The following TENM3 variants were observed in gnomAD, a reference collection of about 807,000 sequenced individuals.
TENM3 encodes the protein teneurin transmembrane protein 3, also known as teneurin-3.
TENM3 carries 63 observed loss-of-function variants against 255.1 expected under a neutral mutation model. The ratio of observed to expected loss-of-function variants is 0.25; its 90% CI spans 0.20 to 0.30. TENM3 has a LOEUF of 0.30. TENM3 is among the 10% of genes least tolerant of loss of function. The probability of loss-of-function intolerance (pLI) is 1.00; values close to 1 mark genes in which losing one functional copy is unlikely to be tolerated. For missense variants in TENM3, 2,929 were observed against 3,461.1 expected (o/e 0.85, Z 3.86); for synonymous variants, 1,306 against 1,322.3 (o/e 0.99, Z 0.27).
Position 182,696,549 on chromosome 4 carries a change from T to A in TENM3, c.2221+8198T>A, listed in dbSNP as rs188812009. On this transcript the variant is annotated intron_variant, in intron 12 of 27. Coordinates refer to ENST00000511685, the MANE Select transcript of TENM3 (RefSeq NM_001080477.4). Reference sequence around the variant, plus strand: ...GGACCATCCTGACCAACATGGTGAATCCCCATCTCTACTAAAAATACAAAA... The same window carrying A: ...GGACCATCCTGACCAACATGGTGAAACCCCATCTCTACTAAAAATACAAAA... Among the ~76,000 whole-genome samples, 1,060 of 151,938 alleles carry A rather than the reference T, an allele frequency of 7.0e-3. 14 individuals are homozygous for A. The highest frequency in any genetic ancestry group is 0.024 in the African/African-American group (977 of 41,468).
At position 182,773,766 on chromosome 4, in the gene TENM3, T is replaced by G. The variant is rs550028465; in HGVS notation, c.5068+119T>G. 2.7e-5 allele frequency: 23 copies of G among 837,668 alleles called. No homozygotes were observed. The African/African-American group carries it at 3.9e-4, about 14-fold the overall frequency. The allele number at this position is 837,668 out of a possible 1,614,324, so 51.9% of individuals were successfully genotyped here. ...GTGAAAATGTAAACCTCTAGAAATA[T>G]TGGTGACATAATCTACAGTGTACAT... On this transcript the variant is annotated intron_variant, in intron 23 of 27. Transcript: ENST00000511685.
At chr4:181,755,359 T>A in the TENM3 span, among the ~76,000 whole-genome samples, 1 of 152,180 alleles carries the variant, frequency 6.6e-6, no homozygotes, top group South Asian at 2.1e-4. Context: ...GTACTCACTT[T>A]TTTTTTACTT....
At chr4:182,046,524 C>A in the TENM3 span, among the ~76,000 whole-genome samples, 1 of 149,704 alleles carries the variant, frequency 6.7e-6, no homozygotes, top group African/African-American at 2.5e-5. Context: ...GGCAATATAG[C>A]AAGACCCCAG....
intron 1 of TENM3, among the ~76,000 whole-genome samples, chr4:182,310,072 G>C (rs1383661723): frequency 6.6e-6 from 1 of 152,176 alleles, no homozygotes; most frequent in African/African-American, 2.4e-5. Context: ...TTTGTAAATA[G>C]TGGAGCTAGA....
chr4:182,358,198 C>T (rs1262403974), intron 3 of TENM3, among the ~76,000 whole-genome samples: 6 of 148,538 alleles, frequency 4.0e-5, no homozygotes, highest in Admixed American at 2.7e-4. Context: ...CTTGGCGATG[C>T]GGGCTCTTTT....
At position 182,792,619 on chromosome 4, in the gene TENM3, C is replaced by G. The variant is rs1365819326; in HGVS notation, c.5947C>G (p.Gln1983Glu). 6.2e-7 allele frequency: 1 copy of G among 1,613,832 alleles called. No homozygotes were observed. The highest frequency in any genetic ancestry group is 8.5e-7 in the Non-Finnish European group (1 of 1,179,898). The part of the protein sequence containing the change: ...TAGVLKTVNL[Q>E]SDGFICTIRY... ...AGGAGTCCTAAAGACAGTAAACCTC[C>G]AGAGTGATGGTTTTATTTGCACCAT... Residue 1983 changes from glutamine (Q) to glutamate (E), a missense_variant, in exon 26 of 28, where the codon CAG becomes GAG. By Grantham distance (29) the Gln-to-Glu change is conservative. Coordinates refer to ENST00000511685, the MANE Select transcript of TENM3 (RefSeq NM_001080477.4). The surrounding 1 kb of genome is among the most constrained non-coding windows in gnomAD (Gnocchi z 6.3).
At chr4:182,636,341 A>G (rs1224527535) in intron 5 of TENM3, among the ~76,000 whole-genome samples, 2 of 152,238 alleles carry the variant, frequency 1.3e-5, no homozygotes, top group Non-Finnish European at 2.9e-5. Flanking sequence ...TCAGAATAAA[A>G]GAATTTACCA....
chr4:182,263,591 T>C (rs562463925), intron 1 of TENM3, among the ~76,000 whole-genome samples: 1 of 132,322 alleles, frequency 7.6e-6, no homozygotes, highest in Non-Finnish European at 1.5e-5. Context: ...ACATGGGCAA[T>C]TCCCCCCCCT....
At chr4:182,661,461 G>C (rs1009441767) in intron 6 of TENM3, among the ~76,000 whole-genome samples, 1 of 152,170 alleles carries the variant, frequency 6.6e-6, no homozygotes, top group Admixed American at 6.5e-5. Context: ...TGACAGGGCT[G>C]CAAGAGCACT....
the TENM3 span, among the ~76,000 whole-genome samples, chr4:182,078,327 T>A: frequency 1.3e-5 from 2 of 151,874 alleles, no homozygotes; most frequent in Non-Finnish European, 2.9e-5. Flanking sequence ...ATCAAGACCA[T>A]CTTGGCCAAC....
intron 2 of TENM3, among the ~76,000 whole-genome samples, chr4:182,340,474 G>A (rs972977446): frequency 6.6e-6 from 1 of 152,132 alleles, no homozygotes; most frequent in South Asian, 2.1e-4. Context: ...GGACCTTAAG[G>A]TATTTAGTGG....
chr4:182,144,794 A>G (rs1371248546), intron 1 of TENM3: 2 of 149,344 alleles, frequency 1.3e-5, no homozygotes, highest in Non-Finnish European at 3.0e-5. Flanking sequence ...TCCTTCCTTT[A>G]TGGGGTCCTA....
At chr4:182,264,453 C>T (rs1759098135) in intron 1 of TENM3, among the ~76,000 whole-genome samples, 1 of 152,210 alleles carries the variant, frequency 6.6e-6, no homozygotes, top group Admixed American at 6.5e-5. Context: ...TTTGAGGGTT[C>T]ATGTCATAGT....
chr4:182,563,149 T>C (rs1743388096), intron 3 of TENM3, among the ~76,000 whole-genome samples: 1 of 152,116 alleles, frequency 6.6e-6, no homozygotes, highest in Non-Finnish European at 1.5e-5. Context: ...GCATGGTGGC[T>C]CACACCCGTA....
the TENM3 span, among the ~76,000 whole-genome samples, chr4:181,861,570 CTTTTTCTTTCT>C: frequency 6.6e-6 from 1 of 151,956 alleles, no homozygotes; most frequent in South Asian, 2.1e-4. Flanking sequence ...TCTGGTTTTC[CTTTTTCTTTCT>C]TTTTTCTTTC....
At chr4:182,052,164 T>A in the TENM3 span, among the ~76,000 whole-genome samples, 2 of 152,092 alleles carry the variant, frequency 1.3e-5, no homozygotes. Flanking sequence ...ATATTAATAT[T>A]TCTACTTAAG....
intron 3 of TENM3, among the ~76,000 whole-genome samples, chr4:182,560,569 A>G (rs747672527): frequency 4.6e-5 from 7 of 152,112 alleles, no homozygotes; most frequent in Non-Finnish European, 4.4e-5. Flanking sequence ...TTTCTTTCCT[A>G]CCAGTTAATG....
chr4:181,522,760 G>A, the TENM3 span: 40 of 734,854 alleles, frequency 5.4e-5, no homozygotes, highest in Non-Finnish European at 9.8e-5. Context: ...ATGGACCTGA[G>A]AGTAAATGGA....
chr4:182,394,535 A>T (rs1662517798), intron 3 of TENM3, among the ~76,000 whole-genome samples: 2 of 152,206 alleles, frequency 1.3e-5, no homozygotes, highest in Admixed American at 6.5e-5. Context: ...GTTTTACTGC[A>T]TTTGAGAGCA....
Sources: allele counts gnomAD v4.1 joint callset (sites outside exome capture counted in the v4.1 genomes callset), GRCh38; gene constraint gnomAD v4.1.1; non-coding constraint Gnocchi (gnomAD v3.1); transcripts MANE v1.5; gene names NCBI Gene and HGNC (gene_info 2026-07-23, HGNC 2026-07-21).